The following LPP variants were observed in gnomAD, a reference collection of about 807,000 sequenced individuals.
The protein encoded by LPP is LIM domain containing preferred translocation partner in lipoma, also known as lipoma-preferred partner.
In LPP, 38 loss-of-function variants were observed where a neutral mutation model predicts 60.4. That is an observed-to-expected ratio of 0.63 (90% CI 0.49 to 0.83). The LOEUF (loss-of-function observed/expected upper bound fraction) is 0.83. Among genes scored for constraint, LPP ranks in the 40% least tolerant of loss-of-function variants. The pLI is 0.00. For missense variants in LPP, 902 were observed against 783.6 expected (o/e 1.15, Z -1.80); for synonymous variants, 328 against 290.8 (o/e 1.13, Z -1.30).
chr3:188,222,536 A>G (rs1716185524), intron 1 of LPP, among the ~76,000 whole-genome samples: 1 of 152,176 alleles, frequency 6.6e-6, no homozygotes, highest in Admixed American at 6.5e-5. Flanking sequence ...CACAAGTCCA[A>G]TATCAAAGTC....
At chr3:188,738,268 C>A (rs890860815) in intron 8 of LPP, among the ~76,000 whole-genome samples, 14 of 152,058 alleles carry the variant, frequency 9.2e-5, no homozygotes, top group Non-Finnish European at 2.1e-4. Flanking sequence ...CAACAATAAA[C>A]ACAGTATTAT....
intron 3 of LPP, among the ~76,000 whole-genome samples, chr3:188,344,893 G>A (rs1362612039): frequency 3.3e-5 from 5 of 152,134 alleles, no homozygotes; most frequent in Non-Finnish European, 5.9e-5. Context: ...AGAGGATCTG[G>A]TAAACTTCCC....
At chr3:188,201,007 G>C (rs1434334767) in intron 1 of LPP, among the ~76,000 whole-genome samples, 1 of 152,152 alleles carries the variant, frequency 6.6e-6, no homozygotes. Flanking sequence ...TTCAGTTTCT[G>C]AACTGAGTTC....
intron 3 of LPP, among the ~76,000 whole-genome samples, chr3:188,351,308 C>G (rs912679190): frequency 1.3e-5 from 2 of 152,186 alleles, no homozygotes; most frequent in Admixed American, 1.3e-4. Context: ...TAAAACCTAT[C>G]TAGTCCAGCT....
intron 4 of LPP, among the ~76,000 whole-genome samples, chr3:188,423,927 T>C (rs962185754): frequency 1.3e-5 from 2 of 151,752 alleles, no homozygotes; most frequent in Non-Finnish European, 2.9e-5. Context: ...TGATAGATAG[T>C]TTTTTTTGCT....
intron 3 of LPP, among the ~76,000 whole-genome samples, chr3:188,353,272 C>G (rs1269162290): frequency 2.0e-5 from 3 of 152,132 alleles, no homozygotes; most frequent in Admixed American, 6.6e-5. Context: ...TGGAAGAGAT[C>G]TAAACACAGG....
intron 4 of LPP, among the ~76,000 whole-genome samples, chr3:188,447,332 C>T (rs911873937): frequency 6.6e-6 from 1 of 152,156 alleles, no homozygotes; most frequent in African/African-American, 2.4e-5. Context: ...TGACTCTTGG[C>T]TGGGCGTGGT....
chr3:188,234,149 C>T (rs1336645337), intron 2 of LPP, among the ~76,000 whole-genome samples: 1 of 152,090 alleles, frequency 6.6e-6, no homozygotes, highest in Admixed American at 6.6e-5. Context: ...AAACCCCCAC[C>T]CCTGCTCCAA....
At chr3:188,732,152 G>A (rs1720844341) in intron 8 of LPP, among the ~76,000 whole-genome samples, 1 of 152,180 alleles carries the variant, frequency 6.6e-6, no homozygotes, top group South Asian at 2.1e-4. Context: ...AAGGAAACTT[G>A]TGACCGATGC....
intron 7 of LPP, among the ~76,000 whole-genome samples, chr3:188,630,447 T>C (rs910919059): frequency 1.3e-5 from 2 of 152,130 alleles, no homozygotes; most frequent in African/African-American, 2.4e-5. Context: ...ATGGCTATTA[T>C]TAAAAAGTCA....
At chr3:188,355,839 G>C (rs1468367611) in intron 3 of LPP, among the ~76,000 whole-genome samples, 1 of 152,056 alleles carries the variant, frequency 6.6e-6, no homozygotes, top group African/African-American at 2.4e-5. Flanking sequence ...ACTCTCGTAG[G>C]CTCCTCACAC....
intron 1 of LPP, among the ~76,000 whole-genome samples, chr3:188,202,232 T>A (rs550489274): frequency 5.7e-4 from 87 of 152,210 alleles, no homozygotes; most frequent in African/African-American, 1.9e-3. Context: ...CCTCAAACTG[T>A]AGTTTACAGG....
chr3:188,366,900 A>C (rs907701567), intron 3 of LPP, among the ~76,000 whole-genome samples: 34 of 144,832 alleles, frequency 2.3e-4, no homozygotes, highest in Admixed American at 6.9e-5. Flanking sequence ...TAAAGAATTG[A>C]TTTTTTTTTT....
At chr3:188,843,125 T>C (rs149567737) in intron 9 of LPP, among the ~76,000 whole-genome samples, 1 of 152,320 alleles carries the variant, frequency 6.6e-6, no homozygotes, top group East Asian at 1.9e-4. Flanking sequence ...TTTTTTATCA[T>C]AATCTTATAT....
chr3:188,177,413 AC>A (rs1182466669), intron 1 of LPP, among the ~76,000 whole-genome samples: 7 of 152,266 alleles, frequency 4.6e-5, no homozygotes, highest in African/African-American at 1.7e-4. Flanking sequence ...TGCTCCCTGG[AC>A]CAGCATAGGA....
chr3:188,647,556 A>G lies in LPP; in HGVS notation c.1113+37712A>G, dbSNP rs1015237105. On this transcript the variant is annotated intron_variant, in intron 7 of 11. Coordinates refer to ENST00000617246, the MANE Select transcript of LPP (RefSeq NM_001375462.1). The stretch of plus-strand genomic sequence containing the variant: ...AAGAAAGCTTTCCCTGCCATTCCCT[A>G]TGGTCCCCTTTGTGTACTTTCAAGA... 1.7e-4 allele frequency among the ~76,000 whole-genome samples: 26 copies of G among 152,044 alleles called. 1 individual carries two copies. Among genetic ancestry groups the G allele is most frequent in the African/African-American group, 6.0e-4 (25 of 41,402 alleles).
intron 6 of LPP, among the ~76,000 whole-genome samples, chr3:188,529,051 A>G (rs1821446327): frequency 1.3e-5 from 2 of 152,138 alleles, no homozygotes; most frequent in Non-Finnish European, 2.9e-5. Context: ...ATTTTTTTCT[A>G]TTACTATGAT....
intron 4 of LPP, among the ~76,000 whole-genome samples, chr3:188,467,777 G>A (rs1800840682): frequency 6.6e-6 from 1 of 152,130 alleles, no homozygotes; most frequent in Non-Finnish European, 1.5e-5. Context: ...ATGAGGAGTA[G>A]CTTTGAGAAG....
intron 5 of LPP, among the ~76,000 whole-genome samples, chr3:188,497,277 A>T (rs541241259): frequency 6.6e-6 from 1 of 152,286 alleles, no homozygotes; most frequent in Non-Finnish European, 1.5e-5. Context: ...GTCGAATCTC[A>T]GTGTCTAGCC....
Sources: allele counts gnomAD v4.1 joint callset (sites outside exome capture counted in the v4.1 genomes callset), GRCh38; gene constraint gnomAD v4.1.1; transcripts MANE v1.5; gene names NCBI Gene and HGNC (gene_info 2026-07-23, HGNC 2026-07-21).